Variants in XCR1 observed in about 807,000 individuals in gnomAD.
XCR1 encodes the protein chemokine XC receptor 1.
For missense variants in XCR1, 356 were observed against 424.2 expected (o/e 0.84, Z 1.41); for synonymous variants, 187 against 188.5 (o/e 0.99, Z 0.06).
At chr3:46,059,581 T>TA (rs947098501) in intron 4 of XCR1, among the ~76,000 whole-genome samples, 72 of 150,194 alleles carry the variant, frequency 4.8e-4, no homozygotes, top group South Asian at 1.1e-3. Context: ...ACAATGATGT[T>TA]AAAAAAAAAA....
intron 5 of XCR1, among the ~76,000 whole-genome samples, chr3:46,050,605 G>T (rs1352154184): frequency 6.6e-6 from 1 of 152,146 alleles, no homozygotes; most frequent in Non-Finnish European, 1.5e-5. Context: ...AACATATTTT[G>T]AGGCTCCTTT....
upstream of XCR1, among the ~76,000 whole-genome samples, chr3:46,029,537 T>G (rs1708361587): frequency 6.6e-6 from 1 of 152,156 alleles, no homozygotes; most frequent in South Asian, 2.1e-4. Flanking sequence ...TAAAAGAATA[T>G]TCTTCTTAAC....
intron 1 of XCR1, among the ~76,000 whole-genome samples, chr3:46,078,011 T>C (rs1698291622): frequency 6.6e-6 from 1 of 152,168 alleles, no homozygotes; most frequent in South Asian, 2.1e-4. Context: ...GCATCATTTG[T>C]ACCCCAAACT....
At position 46,020,603 on chromosome 3, in the gene XCR1, A is replaced by G; in HGVS notation, c.*343T>C. The G allele has an allele frequency of 3.3e-6, 1 of 298,674 alleles. No homozygotes were observed. Among genetic ancestry groups the G allele is most frequent in the Non-Finnish European group, 6.3e-6 (1 of 159,014 alleles). The allele number at this position is 298,674 out of a possible 1,614,324, so 18.5% of individuals were successfully genotyped here. ...GAGCTTTAGGCCCTGTAAAGTCTCC[A>G]AGGAAGCACCTTTCCCAGAATCCTT... On this transcript the variant is annotated 3_prime_UTR_variant, in exon 2 of 2. Transcript: ENST00000309285.
At chr3:46,023,626 G>GGCCA (rs1708216761) in intron 1 of XCR1, 2 of 1,345,138 alleles carry the variant, frequency 1.5e-6, no homozygotes, top group Admixed American at 3.6e-5. Context: ...GGATGCGGAG[G>GGCCA]GCCAGAGCCC....
At chr3:46,065,128 TAG>T (rs1237097355) in intron 4 of XCR1, among the ~76,000 whole-genome samples, 1 of 151,368 alleles carries the variant, frequency 6.6e-6, no homozygotes, top group Non-Finnish European at 1.5e-5. Context: ...GAAAAAAAAA[TAG>T]AGTTACCCAG....
At chr3:46,038,019 G>GT (rs147892057) in intron 5 of XCR1, among the ~76,000 whole-genome samples, 161 of 130,240 alleles carry the variant, frequency 1.2e-3, no homozygotes, top group African/African-American at 5.2e-3. Context: ...GTGTGCACGG[G>GT]TTTGTTTTTT....
intron 1 of XCR1, among the ~76,000 whole-genome samples, chr3:46,082,867 C>A (rs1383200297): frequency 7.9e-5 from 12 of 152,182 alleles, no homozygotes; most frequent in African/African-American, 2.7e-4. Context: ...ATCCCACACA[C>A]CATTGCCACT....
intron 1 of XCR1, among the ~76,000 whole-genome samples, chr3:46,084,708 T>C (rs150045401): frequency 2.0e-5 from 3 of 152,256 alleles, no homozygotes; most frequent in Middle Eastern, 3.4e-3. Context: ...AACCAAATAC[T>C]GAATGTACAC....
At chr3:46,070,378 G>T (rs551894914) in intron 3 of XCR1, among the ~76,000 whole-genome samples, 22 of 151,978 alleles carry the variant, frequency 1.4e-4, no homozygotes, top group Non-Finnish European at 2.4e-4. Context: ...CTGTAGGTGG[G>T]ATGCTGAAGT....
chr3:46,059,209 T>C (rs1267904233), intron 4 of XCR1, among the ~76,000 whole-genome samples: 1 of 152,226 alleles, frequency 6.6e-6, no homozygotes, highest in African/African-American at 2.4e-5. Flanking sequence ...CCTGTACCTA[T>C]GGCCTCATGA....
chr3:46,081,301 G>A (rs1452547660), intron 1 of XCR1, among the ~76,000 whole-genome samples: 1 of 152,122 alleles, frequency 6.6e-6, no homozygotes, highest in Non-Finnish European at 1.5e-5. Context: ...CTGGCCAAAG[G>A]CTGTCTCATT....
intron 3 of XCR1, among the ~76,000 whole-genome samples, chr3:46,074,628 A>G (rs958715614): frequency 1.3e-5 from 2 of 152,196 alleles, no homozygotes; most frequent in Non-Finnish European, 2.9e-5. Flanking sequence ...AAAAAAAATC[A>G]TAAGGAAGAA....
chr3:46,047,226 A>G (rs1697652405), intron 5 of XCR1, among the ~76,000 whole-genome samples: 1 of 152,250 alleles, frequency 6.6e-6, no homozygotes, highest in South Asian at 2.1e-4. Context: ...AATAGCAAAA[A>G]TTATCAGGCC....
chr3:46,077,853 CACTT>C (rs1222027206), intron 1 of XCR1, among the ~76,000 whole-genome samples: 1 of 152,094 alleles, frequency 6.6e-6, no homozygotes, highest in Non-Finnish European at 1.5e-5. Context: ...CGCACGTTCT[CACTT>C]ATAAGTGAGA....
chr3:46,085,652 A>ACT (rs1559498838), intron 1 of XCR1, among the ~76,000 whole-genome samples: 1 of 152,138 alleles, frequency 6.6e-6, no homozygotes, highest in African/African-American at 2.4e-5. Flanking sequence ...CTGCCTGTGC[A>ACT]CTGTTCCCCA....
At chr3:46,028,125 G>A (rs1460406315), upstream of XCR1, among the ~76,000 whole-genome samples, 1 of 152,120 alleles carries the variant, frequency 6.6e-6, no homozygotes, top group Non-Finnish European at 1.5e-5. Context: ...TCTTTGCTGA[G>A]AGCTTTTCTG....
chr3:46,081,300 G>C (rs900705600), intron 1 of XCR1, among the ~76,000 whole-genome samples: 1 of 152,110 alleles, frequency 6.6e-6, no homozygotes, highest in South Asian at 2.1e-4. Context: ...CCTGGCCAAA[G>C]GCTGTCTCAT....
chr3:46,054,264 G>C (rs951210045), intron 4 of XCR1, among the ~76,000 whole-genome samples: 1 of 152,084 alleles, frequency 6.6e-6, no homozygotes, highest in African/African-American at 2.4e-5. Flanking sequence ...TCCAGAGTAG[G>C]CTTGCAAGAC....
Sources: allele counts gnomAD v4.1 joint callset (sites outside exome capture counted in the v4.1 genomes callset), GRCh38; gene constraint gnomAD v4.1.1; transcripts MANE v1.5; gene names NCBI Gene and HGNC (gene_info 2026-07-23, HGNC 2026-07-21).